Variants in SSBP3 observed in about 807,000 individuals in gnomAD.
The protein encoded by SSBP3 is single-stranded DNA-binding protein 3.
Under a neutral mutation model 69.6 loss-of-function variants are expected in SSBP3, and 5 were observed. The ratio of observed to expected loss-of-function variants is 0.07; its 90% CI spans 0.04 to 0.15. The LOEUF (loss-of-function observed/expected upper bound fraction) is 0.15, where lower values mean the gene tolerates loss of function less well. SSBP3 is among the 10% of genes least tolerant of loss of function. The pLI, the probability that SSBP3 is intolerant of heterozygous loss-of-function variation, is 1.00. For missense variants in SSBP3, 312 were observed against 534.0 expected, an observed-to-expected ratio of 0.58 and a Z score of 4.10; for synonymous variants, 196 against 193.4, an observed-to-expected ratio of 1.01 and a Z score of -0.11.
chr1:54,267,275 C>A (rs901077861), intron 5 of SSBP3, among the ~76,000 whole-genome samples: 6 of 152,208 alleles, frequency 3.9e-5, no homozygotes, highest in Non-Finnish European at 8.8e-5. Flanking sequence ...ACAGGGCACT[C>A]TTTTCAAGAA....
intron 4 of SSBP3, among the ~76,000 whole-genome samples, chr1:54,317,845 A>C (rs893970192): frequency 3.3e-5 from 5 of 152,146 alleles, no homozygotes; most frequent in Admixed American, 6.5e-5. Flanking sequence ...GGCTCACTGC[A>C]ATCTCCACCT....
chr1:54,249,371 C>G (rs113313594), intron 9 of SSBP3, among the ~76,000 whole-genome samples: 5,113 of 152,264 alleles, frequency 0.034, 253 homozygotes, highest in African/African-American at 0.12. Flanking sequence ...GCCTCCTTAG[C>G]GGGAGCACCC....
intron 5 of SSBP3, among the ~76,000 whole-genome samples, chr1:54,265,401 C>T (rs1645084238): frequency 1.3e-5 from 2 of 152,058 alleles, no homozygotes; most frequent in South Asian, 4.2e-4. Context: ...CAGAAGGTGA[C>T]TAAGTTGCCC....
intron 5 of SSBP3, among the ~76,000 whole-genome samples, chr1:54,266,067 G>A (rs547045719): frequency 5.9e-5 from 9 of 152,334 alleles, no homozygotes; most frequent in African/African-American, 1.4e-4. Context: ...TATAGGCAGC[G>A]TCCAAAACCT....
intron 4 of SSBP3, among the ~76,000 whole-genome samples, chr1:54,363,481 TTA>T (rs1646981493): frequency 6.6e-6 from 1 of 152,212 alleles, no homozygotes; most frequent in Non-Finnish European, 1.5e-5. Flanking sequence ...CATCGGACAG[TTA>T]TAAATTAGAC....
intron 4 of SSBP3, among the ~76,000 whole-genome samples, chr1:54,316,366 G>A (rs958972773): frequency 6.8e-6 from 1 of 147,478 alleles, no homozygotes; most frequent in African/African-American, 2.5e-5. Context: ...TAGGCCGGGC[G>A]CGGTGGCTCA....
intron 4 of SSBP3, chr1:54,356,343 TC>T (rs1248205890): frequency 1.3e-5 from 2 of 152,180 alleles, no homozygotes; most frequent in Non-Finnish European, 2.9e-5. Flanking sequence ...GCCGCACACT[TC>T]CACCTTTCCT....
intron 13 of SSBP3, among the ~76,000 whole-genome samples, chr1:54,239,916 C>T (rs1437328025): frequency 6.6e-6 from 1 of 152,164 alleles, no homozygotes; most frequent in East Asian, 1.9e-4. Context: ...GGAGCAGGCG[C>T]TGTAATTCTT....
intron 4 of SSBP3, among the ~76,000 whole-genome samples, chr1:54,284,288 T>C (rs1195490541): frequency 6.6e-6 from 1 of 151,978 alleles, no homozygotes; most frequent in Admixed American, 6.6e-5. Context: ...ATGTGGCAGT[T>C]AGTATCCCTT....
intron 4 of SSBP3, among the ~76,000 whole-genome samples, chr1:54,283,670 A>T (rs1484519792): frequency 6.6e-6 from 1 of 152,246 alleles, no homozygotes; most frequent in Non-Finnish European, 1.5e-5. Flanking sequence ...GTTACTTTTC[A>T]AAATGATTCT....
At chr1:54,274,603 C>T (rs1490616581) in intron 5 of SSBP3, among the ~76,000 whole-genome samples, 1 of 152,138 alleles carries the variant, frequency 6.6e-6, no homozygotes, top group Admixed American at 6.5e-5. Flanking sequence ...CCACTAGAGG[C>T]CACCAGTCAC....
At chr1:54,399,082 G>A (rs542979303) in intron 4 of SSBP3, among the ~76,000 whole-genome samples, 11 of 152,222 alleles carry the variant, frequency 7.2e-5, no homozygotes, top group African/African-American at 2.2e-4. Context: ...TCACCCGCAA[G>A]TGACTTACTC....
chr1:54,273,684 C>T (rs1170138776), intron 5 of SSBP3, among the ~76,000 whole-genome samples: 2 of 152,198 alleles, frequency 1.3e-5, no homozygotes, highest in Admixed American at 6.5e-5. Flanking sequence ...GTGGCCAGCA[C>T]CCCCCACTGG....
chr1:54,245,609 G>C (rs1404114473), intron 9 of SSBP3, among the ~76,000 whole-genome samples: 1 of 152,184 alleles, frequency 6.6e-6, no homozygotes, highest in African/African-American at 2.4e-5. Context: ...GGATGCAGAT[G>C]ATCTCAGGAG....
intron 4 of SSBP3, among the ~76,000 whole-genome samples, chr1:54,320,135 A>G (rs1208563546): frequency 6.6e-6 from 1 of 152,206 alleles, no homozygotes; most frequent in East Asian, 1.9e-4. Context: ...CCAATCTAGC[A>G]GAAGAGTCAA....
At chr1:54,243,288 G>A (rs368053178) in exon 10 of SSBP3, 41 of 1,613,810 alleles carry the variant, frequency 2.5e-5, no homozygotes, top group East Asian at 6.7e-5. Context: ...GTCTCATGCC[G>A]CTGCCGTAAT....
intron 5 of SSBP3, among the ~76,000 whole-genome samples, chr1:54,279,532 T>C (rs1437392488): frequency 6.6e-6 from 1 of 152,214 alleles, no homozygotes; most frequent in Non-Finnish European, 1.5e-5. Context: ...AGTGGTCTAA[T>C]CTGCACCGGA....
At chr1:54,269,182 A>G (rs1468484368) in intron 5 of SSBP3, among the ~76,000 whole-genome samples, 1 of 151,950 alleles carries the variant, frequency 6.6e-6, no homozygotes, top group Non-Finnish European at 1.5e-5. Flanking sequence ...TGCCTACAAC[A>G]CGTAAGCTGT....
chr1:54,346,895 C>CCA (rs1443450475), intron 4 of SSBP3, among the ~76,000 whole-genome samples: 1 of 152,090 alleles, frequency 6.6e-6, no homozygotes, highest in Non-Finnish European at 1.5e-5. Context: ...CTCCCCAACC[C>CCA]CACCTCACAG....
Sources: gnomAD v4.1 joint callset for allele counts (sites outside exome capture counted in the v4.1 genomes callset) on GRCh38, gnomAD v4.1.1 for gene constraint, MANE v1.5 for transcripts, NCBI Gene and HGNC (gene_info 2026-07-23, HGNC 2026-07-21) for gene names.